The following GABRA1 variants were observed in gnomAD, a reference collection of about 807,000 sequenced individuals.
The protein encoded by GABRA1 is gamma-aminobutyric acid receptor subunit alpha-1.
Under a neutral mutation model 48.9 loss-of-function variants are expected in GABRA1, and 9 were observed. That is an observed-to-expected ratio of 0.18 (90% CI 0.11 to 0.32). The LOEUF (loss-of-function observed/expected upper bound fraction) is 0.32, where lower values mean the gene tolerates loss of function less well. Among genes scored for constraint, GABRA1 ranks in the 10% least tolerant of loss-of-function variants. The pLI, the probability that GABRA1 is intolerant of heterozygous loss-of-function variation, is 1.00. For synonymous variants in GABRA1, 210 were observed against 198.7 expected, an observed-to-expected ratio of 1.06 and a Z score of -0.48; for missense variants, 285 against 553.8, an observed-to-expected ratio of 0.51 and a Z score of 4.87.
chr5:161,852,974 C>T (rs1216778729), intron 2 of GABRA1, among the ~76,000 whole-genome samples: 1 of 151,828 alleles, frequency 6.6e-6, no homozygotes, highest in African/African-American at 2.4e-5. Flanking sequence ...GTAACATCAA[C>T]ACACAGGAAT....
In GABRA1 at chr5:161,895,851, A is replaced by T. The variant is rs1381377821; in HGVS notation, c.1042A>T (p.Ser348Cys). Reference sequence around the variant, plus strand: ...GAGAGGTTATGCATGGGATGGCAAAAGTGTGGTTCCAGAAAAGGTAAATGC... The same window carrying T: ...GAGAGGTTATGCATGGGATGGCAAATGTGTGGTTCCAGAAAAGGTAAATGC... ...TKRGYAWDGK[S>C]VVPEKPKKVK... The change falls in exon 9 of 10, where the codon AGT becomes TGT. Residue 348 changes from serine (S) to cysteine (C), a missense_variant. This residue lies in a region of GABRA1 where 99 missense variants were observed against 94.2 expected (regional missense o/e 1.05). Transcript: ENST00000393943. 1 of 1,613,894 alleles carries T rather than the reference A, an allele frequency of 6.2e-7. No homozygotes were observed. Among genetic ancestry groups the T allele is most frequent in the Non-Finnish European group, 8.5e-7 (1 of 1,179,800 alleles).
intron 3 of GABRA1, among the ~76,000 whole-genome samples, chr5:161,858,333 T>A (rs1045853906): frequency 2.6e-5 from 4 of 151,720 alleles, no homozygotes; most frequent in Non-Finnish European, 5.9e-5. Flanking sequence ...TCAGTCACTT[T>A]CATATTGGCT....
At chr5:161,870,854 A>G (rs555799121) in intron 4 of GABRA1, among the ~76,000 whole-genome samples, 9 of 152,258 alleles carry the variant, frequency 5.9e-5, no homozygotes, top group African/African-American at 1.9e-4. Flanking sequence ...TTAGGCAGAA[A>G]CTAATTTTCA....
At chr5:161,859,802 G>C (rs1258397219) in intron 3 of GABRA1, among the ~76,000 whole-genome samples, 2 of 151,786 alleles carry the variant, frequency 1.3e-5, no homozygotes, top group African/African-American at 4.8e-5. Flanking sequence ...GATAGCATTA[G>C]ATAAAATAAT....
intron 6 of GABRA1, 94 bp downstream of exon 6, chr5:161,875,736 C>A: frequency 1.1e-6 from 1 of 938,452 alleles, no homozygotes; most frequent in South Asian, 1.3e-5. Context: ...ATAAGGGAAT[C>A]AAGAAAATTT....
intron 7 of GABRA1, among the ~76,000 whole-genome samples, chr5:161,888,787 A>G (rs1167438760): frequency 6.6e-6 from 1 of 152,036 alleles, no homozygotes; most frequent in African/African-American, 2.4e-5. Context: ...GACCTTAAAG[A>G]TATCACTAGA....
At chr5:161,881,726 C>G (rs1754620828) in intron 6 of GABRA1, 1 of 152,020 alleles carries the variant, frequency 6.6e-6, no homozygotes, top group African/African-American at 2.4e-5. Context: ...ATATGCTTCA[C>G]TCTAGTCAAA....
intron 3 of GABRA1, among the ~76,000 whole-genome samples, chr5:161,857,663 TA>T (rs971157359): frequency 6.6e-6 from 1 of 151,588 alleles, no homozygotes; most frequent in Non-Finnish European, 1.5e-5. Context: ...TAATATGGTC[TA>T]TTTGGGATTG....
chr5:161,890,778 G>T lies in GABRA1; in HGVS notation c.704-120G>T. 5 of 885,896 alleles carry T rather than the reference G, an allele frequency of 5.6e-6. No individual in the cohort carries two copies. In the East Asian group the frequency reaches 9.8e-5, roughly 17 times the overall value. 54.9% of individuals were successfully genotyped at this position (885,896 alleles called of 1,614,324 possible). On this transcript the variant is annotated intron_variant, in intron 7 of 9. Transcript: ENST00000393943. ...TAAAAACTTTTCCCTCCAAGAACTGGATGTCACATGGAGAAAGGATGTGTC... is the reference window on the plus strand; with the variant it reads ...TAAAAACTTTTCCCTCCAAGAACTGTATGTCACATGGAGAAAGGATGTGTC...
intron 7 of GABRA1, 109 bp from the exon 8 acceptor site, chr5:161,890,789 G>C (rs1755054833): frequency 1.0e-6 from 1 of 984,338 alleles, no homozygotes; most frequent in Admixed American, 1.8e-5. Flanking sequence ...ATGTCACATG[G>C]AGAAAGGATG....
intron 3 of GABRA1, among the ~76,000 whole-genome samples, chr5:161,861,151 C>T (rs1376143291): frequency 6.6e-6 from 1 of 151,714 alleles, no homozygotes; most frequent in Non-Finnish European, 1.5e-5. Context: ...TAACAAAATG[C>T]TACCCTGTGA....
At chr5:161,886,916 A>G (rs143659706) in intron 7 of GABRA1, among the ~76,000 whole-genome samples, 1 of 152,176 alleles carries the variant, frequency 6.6e-6, no homozygotes, top group Non-Finnish European at 1.5e-5. Context: ...CCCTCACCAC[A>G]TTATGCTTTC....
At chr5:161,896,720 G>T (rs1183755877) in intron 9 of GABRA1, among the ~76,000 whole-genome samples, 3 of 152,148 alleles carry the variant, frequency 2.0e-5, no homozygotes, top group Non-Finnish European at 2.9e-5. Flanking sequence ...TGAAAATTTA[G>T]TTCTTTGTTG....
At chr5:161,857,915 T>C (rs1757711389) in intron 3 of GABRA1, among the ~76,000 whole-genome samples, 1 of 149,768 alleles carries the variant, frequency 6.7e-6, no homozygotes, top group South Asian at 2.1e-4. Context: ...TAAAGCATGG[T>C]CAGTGTAGAA....
intron 3 of GABRA1, 55 bp downstream of exon 3, chr5:161,854,325 C>T (rs1581178509): frequency 2.2e-6 from 2 of 903,838 alleles, no homozygotes; most frequent in Admixed American, 1.7e-5. Context: ...TCTTTACTAT[C>T]ACAGCCTTAA....
chr5:161,888,549 A>G (rs1754948609), intron 7 of GABRA1, among the ~76,000 whole-genome samples: 1 of 152,116 alleles, frequency 6.6e-6, no homozygotes, highest in Admixed American at 6.6e-5. Context: ...AATGGAATGT[A>G]TACAGACACT....
chr5:161,859,974 T>C (rs1757790662), intron 3 of GABRA1, among the ~76,000 whole-genome samples: 2 of 151,858 alleles, frequency 1.3e-5, no homozygotes, highest in Non-Finnish European at 2.9e-5. Context: ...TGTCGTTTTC[T>C]CTGTGGCTTT....
intron 3 of GABRA1, among the ~76,000 whole-genome samples, chr5:161,856,319 T>G (rs1440424269): frequency 6.6e-6 from 1 of 151,450 alleles, no homozygotes; most frequent in African/African-American, 2.4e-5. Context: ...TATCATCCAG[T>G]TAATCCCAGA....
At chr5:161,874,624 A>G (rs1754267376) in intron 5 of GABRA1, among the ~76,000 whole-genome samples, 1 of 152,096 alleles carries the variant, frequency 6.6e-6, no homozygotes, top group Non-Finnish European at 1.5e-5. Flanking sequence ...TCCTTTGCTA[A>G]TGTGTTTTTA....
Sources: allele counts gnomAD v4.1 joint callset (sites outside exome capture counted in the v4.1 genomes callset), GRCh38; gene constraint gnomAD v4.1.1; regional missense constraint gnomAD v4.1.1; transcripts MANE v1.5; gene names NCBI Gene and HGNC (gene_info 2026-07-23, HGNC 2026-07-21).